Variants in LOXL4 observed in about 807,000 individuals in gnomAD.
LOXL4 encodes lysyl oxidase homolog 4.
A neutral mutation model predicts 89.1 loss-of-function variants in LOXL4; 72 were observed. That is an observed-to-expected ratio of 0.81 (90% CI 0.67 to 0.98). LOXL4 has a LOEUF of 0.98. Ranked by LOEUF, LOXL4 falls within the 50% of genes least tolerant of loss-of-function variation. The pLI is 0.00. For synonymous variants in LOXL4, 355 were observed against 392.1 expected (o/e 0.91, Z 1.12); for missense variants, 984 against 1,017.5 (o/e 0.97, Z 0.45).
intron 4 of LOXL4, 73 bp downstream of exon 4, chr10:98,260,849 G>T: frequency 1.4e-6 from 2 of 1,456,640 alleles, no homozygotes; most frequent in Non-Finnish European, 1.9e-6. Flanking sequence ...TCACATGCAC[G>T]CACATGAACA....
In LOXL4 at chr10:98,248,560, C is replaced by T. The variant is rs894791422; in HGVS notation, c.*361G>A. The stretch of plus-strand genomic sequence containing the variant: ...CTCCTCCAAGACATTTGCAAAGCAC[C>T]ACTTAGATGGGGGACTGGGCCATAG... On this transcript the variant is annotated 3_prime_UTR_variant, in exon 15 of 15. Coordinates refer to ENST00000260702, the MANE Select transcript of LOXL4 (RefSeq NM_032211.7). 2.5e-4 allele frequency: 57 copies of T among 231,960 alleles called. No individual in the cohort carries two copies. Among genetic ancestry groups the T allele is most frequent in the Middle Eastern group, 2.9e-3 (2 of 680 alleles). 14.4% of individuals were successfully genotyped at this position (231,960 alleles called of 1,614,324 possible). A position where few individuals can be genotyped will look rare whatever the true frequency, so the allele number is the denominator to read the frequency against.
chr10:98,257,761 A>T lies in LOXL4; in HGVS notation c.1149T>A (p.Tyr383Ter), dbSNP rs748834362. 5.6e-6 allele frequency: 9 copies of T among 1,614,032 alleles called. No individual in the cohort carries two copies. The highest frequency in any genetic ancestry group is 7.6e-6 in the Non-Finnish European group (9 of 1,179,964). Residue 383 changes from tyrosine (Y) to a stop codon, truncating the protein, a stop_gained, in exon 8 of 15, where the codon TAT (tyrosine) becomes TAA (stop). Transcript: ENST00000260702. LOFTEE classifies it high-confidence loss of function. ...IHLSEVRCRG[Y>*]ERTLSDCPAL... ...CAGGGCAGTCGCTGAGGGTCCGCTCATATCCCCTGCAGCGCACCTCACTCA... is the reference window on the plus strand; with the variant it reads ...CAGGGCAGTCGCTGAGGGTCCGCTCTTATCCCCTGCAGCGCACCTCACTCA...
chr10:98,262,213 C>T lies in LOXL4; in HGVS notation c.278G>A (p.Gly93Glu), dbSNP rs758612207. Residue 93 changes from glycine to glutamate, a missense_variant and splice_region_variant, in exon 3 of 15, where the codon GGA (glycine) becomes GAA (glutamate). Physicochemically the swap from Gly to Glu is moderately conservative, Grantham distance 98. Transcript: ENST00000260702. ...GCGCACATTGTCCAGCCAGATGGGT[C>T]CTGTGGAGTGGAGGTGATGCTCAAA... is the stretch of plus-strand genomic sequence containing the variant. ...AHSAKYGQGEGPIWLDNVRCV... is the reference protein window; with the variant it reads ...AHSAKYGQGEEPIWLDNVRCV... 3 of 1,613,322 alleles carry T rather than the reference C, an allele frequency of 1.9e-6. No homozygotes were observed. The highest frequency in any genetic ancestry group is 2.5e-6 in the Non-Finnish European group (3 of 1,179,948).
At position 98,259,446 on chromosome 10, in the gene LOXL4, C is replaced by T; in HGVS notation, c.663-17G>A. ...CAGACTTTCCTGTTATGGGAGAAAACAGATAGGAGGTGGAAGGGGTGTGGA... is the reference window on the plus strand; with the variant it reads ...CAGACTTTCCTGTTATGGGAGAAAATAGATAGGAGGTGGAAGGGGTGTGGA... On this transcript the variant is annotated splice_polypyrimidine_tract_variant and intron_variant, in intron 4 of 14. Coordinates refer to ENST00000260702, the MANE Select transcript of LOXL4 (RefSeq NM_032211.7). The T allele has an allele frequency of 6.2e-7, 1 of 1,612,008 alleles. No homozygotes were observed.
Position 98,262,897 on chromosome 10 carries a change from T to C in LOXL4, c.123A>G (p.Pro41=), listed in dbSNP as rs1159422849. The part of the protein sequence containing the change: ...KLRLVGPESK[P]EEGRLEVLHQ... ...GCAGCACCTCCAGGCGGCCCTCCTCTGGCTTGCTCTCTGGGCCCACCAGCC... is the reference window on the plus strand; with the variant it reads ...GCAGCACCTCCAGGCGGCCCTCCTCCGGCTTGCTCTCTGGGCCCACCAGCC... Residue 41 remains proline, a synonymous_variant, in exon 2 of 15, where the codon CCA becomes CCG. Transcript: ENST00000260702. 3.1e-6 allele frequency: 5 copies of C among 1,613,616 alleles called. No homozygotes were observed. Among genetic ancestry groups the C allele is most frequent in the Non-Finnish European group, 4.2e-6 (5 of 1,180,036 alleles).
intron 1 of LOXL4, among the ~76,000 whole-genome samples, chr10:98,264,642 C>T (rs949737397): frequency 2.6e-5 from 4 of 152,022 alleles, no homozygotes; most frequent in Non-Finnish European, 5.9e-5. Context: ...TCCTCTCCCC[C>T]TCACACAGCA....
At chr10:98,256,987 G>T (rs1409919317) in intron 8 of LOXL4, 40 bp from the exon 9 acceptor site, 1 of 1,599,044 alleles carries the variant, frequency 6.3e-7, no homozygotes, top group Non-Finnish European at 8.5e-7. Context: ...GGGTAGCCTT[G>T]CAGGGAAGAG....
chr10:98,254,491 CAG>C, intron 10 of LOXL4, among the ~76,000 whole-genome samples: 1 of 152,246 alleles, frequency 6.6e-6, no homozygotes, highest in Non-Finnish European at 1.5e-5. Flanking sequence ...TGGAGAGAGC[CAG>C]GAAGTGCCCA....
chr10:98,256,032 C>T, intron 9 of LOXL4: 1 of 315,028 alleles, frequency 3.2e-6, no homozygotes, highest in South Asian at 7.3e-5. Flanking sequence ...CTGTTCCCCG[C>T]CCCTCTCCCT....
intron 11 of LOXL4, 131 bp from the exon 12 acceptor site, chr10:98,252,599 C>A (rs1428950013): frequency 1.6e-6 from 1 of 615,704 alleles, no homozygotes; most frequent in Non-Finnish European, 2.9e-6. Context: ...GTGCCCTTCT[C>A]CCTCCCAAAC....
chr10:98,263,145 GA>G, intron 1 of LOXL4, 94 bp from the exon 2 acceptor site: 1 of 963,356 alleles, frequency 1.0e-6, no homozygotes, highest in East Asian at 2.7e-5. Context: ...ACAAAGGAAA[GA>G]AAACCCCCCT....
intron 10 of LOXL4, among the ~76,000 whole-genome samples, chr10:98,254,944 C>T (rs1858312871): frequency 6.6e-6 from 1 of 152,232 alleles, no homozygotes; most frequent in South Asian, 2.1e-4. Flanking sequence ...GTCAAGTGGC[C>T]ACTTGGGTTG....
At chr10:98,251,235 G>A in intron 13 of LOXL4, 59 bp from the exon 14 acceptor site, 1 of 1,254,726 alleles carries the variant, frequency 8.0e-7, no homozygotes, top group Non-Finnish European at 1.2e-6. Context: ...TGAGTTGACT[G>A]TGGCTGTGAT....
At chr10:98,263,442 A>G (rs1858602132) in intron 1 of LOXL4, among the ~76,000 whole-genome samples, 1 of 152,160 alleles carries the variant, frequency 6.6e-6, no homozygotes, top group Admixed American at 6.5e-5. Context: ...CTAAAATCTT[A>G]TGTGTAGGCA....
chr10:98,252,527 G>A, intron 11 of LOXL4, 59 bp from the exon 12 acceptor site: 1 of 1,218,000 alleles, frequency 8.2e-7, no homozygotes, highest in Non-Finnish European at 1.2e-6. Context: ...TCTCTGGAGG[G>A]GCTGGTAGGG....
intron 5 of LOXL4, 74 bp downstream of exon 5, chr10:98,259,317 G>T: frequency 6.4e-7 from 1 of 1,574,352 alleles, no homozygotes; most frequent in Non-Finnish European, 8.7e-7. Context: ...GAGGGAAGGG[G>T]AGGGTAGGGG....
chr10:98,259,432 G>A lies in LOXL4; in HGVS notation c.663-3C>T. 6.2e-7 allele frequency: 1 copy of A among 1,612,844 alleles called. No homozygotes were observed. The highest frequency in any genetic ancestry group is 1.1e-5 in the South Asian group (1 of 90,726). On this transcript the variant is annotated splice_polypyrimidine_tract_variant and splice_region_variant and intron_variant, in intron 4 of 14. Transcript: ENST00000260702. ...TCATCTTCAGATCCCAGACTTTCCTGTTATGGGAGAAAACAGATAGGAGGT... is the reference window on the plus strand; with the variant it reads ...TCATCTTCAGATCCCAGACTTTCCTATTATGGGAGAAAACAGATAGGAGGT...
Position 98,251,180 on chromosome 10 carries a change from G to C in LOXL4, c.2089-4C>G. 1 of 1,604,180 alleles carries C rather than the reference G, an allele frequency of 6.2e-7. No individual in the cohort carries two copies. The highest frequency in any genetic ancestry group is 8.5e-7 in the Non-Finnish European group (1 of 1,171,216). ...CATAGTGGGGGTTCACAATCACCTA[G>C]AGTGAAAGAGGGGACAACTGAAAAT... On this transcript the variant is annotated splice_polypyrimidine_tract_variant and splice_region_variant and intron_variant, in intron 13 of 14. Coordinates refer to ENST00000260702, the MANE Select transcript of LOXL4 (RefSeq NM_032211.7).
In LOXL4 at chr10:98,252,391, T is replaced by A; in HGVS notation, c.1913A>T (p.Lys638Met). The change falls in exon 12 of 15, where the codon AAG (lysine) becomes ATG (methionine). Residue 638 changes from lysine (K) to methionine (M), a missense_variant. Coordinates refer to ENST00000260702, the MANE Select transcript of LOXL4 (RefSeq NM_032211.7). ...LNGSKVAEGHKASFCLEDTNC... is the reference protein window; with the variant it reads ...LNGSKVAEGHMASFCLEDTNC... ...TGTGTCCTCCAGACAGAAGCTGGCC[T>A]TGTGCCCCTCAGCCACCTTGGAGCC... 5 of 1,614,110 alleles carry A rather than the reference T, an allele frequency of 3.1e-6. No homozygotes were observed. Among genetic ancestry groups the A allele is most frequent in the Non-Finnish European group, 4.2e-6 (5 of 1,179,992 alleles).
Sources: gnomAD v4.1 joint callset for allele counts (sites outside exome capture counted in the v4.1 genomes callset) on GRCh38, gnomAD v4.1.1 for gene constraint, MANE v1.5 for transcripts, NCBI Gene and HGNC (gene_info 2026-07-23, HGNC 2026-07-21) for gene names.